CTNNA3: variants seen among roughly 807,000 people sequenced by gnomAD.
CTNNA3 encodes catenin alpha 3, also known as catenin alpha-3.
CTNNA3 carries 76 observed loss-of-function variants against 95.7 expected under a neutral mutation model. The observed-to-expected ratio is 0.79, with a 90% CI of 0.66 to 0.96. The LOEUF (loss-of-function observed/expected upper bound fraction) is 0.96, where lower values mean the gene tolerates loss of function less well. Among genes scored for constraint, CTNNA3 ranks in the 40% least tolerant of loss-of-function variants. The probability of loss-of-function intolerance (pLI) is 0.00; values close to 1 mark genes in which losing one functional copy is unlikely to be tolerated. For missense variants in CTNNA3, 1,191 were observed against 1,089.8 expected, an observed-to-expected ratio of 1.09 and a Z score of -1.31; for synonymous variants, 431 against 374.4, an observed-to-expected ratio of 1.15 and a Z score of -1.74.
At chr10:66,894,157 A>G (rs942615001) in intron 7 of CTNNA3, among the ~76,000 whole-genome samples, 1 of 152,094 alleles carries the variant, frequency 6.6e-6, no homozygotes, top group African/African-American at 2.4e-5. Flanking sequence ...ATGTTCTCAA[A>G]ACAACTTCAG....
intron 7 of CTNNA3, among the ~76,000 whole-genome samples, chr10:66,893,387 T>A (rs1217555711): frequency 1.3e-5 from 2 of 151,984 alleles, no homozygotes; most frequent in Admixed American, 6.6e-5. Context: ...GCCCTCTGAG[T>A]TCTTCTAGAA....
intron 7 of CTNNA3, among the ~76,000 whole-genome samples, chr10:67,023,006 T>C (rs1853127695): frequency 6.6e-6 from 1 of 151,830 alleles, no homozygotes; most frequent in Non-Finnish European, 1.5e-5. Flanking sequence ...AAGACTGAAA[T>C]AAATGGAGAG....
In CTNNA3 at chr10:66,103,231, C is replaced by A; in HGVS notation, c.1903G>T (p.Asp635Tyr). 6.2e-7 allele frequency: 1 copy of A among 1,613,916 alleles called. No homozygotes were observed. Among genetic ancestry groups the A allele is most frequent in the Non-Finnish European group, 8.5e-7 (1 of 1,179,798 alleles). Reference protein sequence around the residue: ...MMIRTPEELEDVSDLEEEHEV... With the variant: ...MMIRTPEELEYVSDLEEEHEV... ...TGTTCCTCTTCAAGGTCAGAAACATCCTCCAGTTCCTCTGGGGTCTATAAA... is the reference window on the plus strand; with the variant it reads ...TGTTCCTCTTCAAGGTCAGAAACATACTCCAGTTCCTCTGGGGTCTATAAA... The change falls in exon 14 of 18, where the codon GAT (aspartate) becomes TAT (tyrosine). Residue 635 changes from aspartate to tyrosine, a missense_variant. Asp to Tyr is a radical substitution (Grantham distance 160, BLOSUM62 -3). Coordinates refer to ENST00000433211, the MANE Select transcript of CTNNA3 (RefSeq NM_013266.4).
chr10:67,493,914 C>T (rs1252756394), intron 5 of CTNNA3, among the ~76,000 whole-genome samples: 31 of 152,028 alleles, frequency 2.0e-4, no homozygotes, highest in Admixed American at 2.0e-3. Context: ...TTGGATCAAA[C>T]TTTAACAGGT....
At chr10:65,938,598 C>A (rs536861075) in intron 17 of CTNNA3, among the ~76,000 whole-genome samples, 1 of 152,268 alleles carries the variant, frequency 6.6e-6, no homozygotes, top group South Asian at 2.1e-4. Flanking sequence ...CTTCCTGGAT[C>A]CCAGCCCTGA....
intron 1 of CTNNA3, among the ~76,000 whole-genome samples, chr10:67,743,802 A>T (rs1554880463): frequency 6.6e-6 from 1 of 151,286 alleles, no homozygotes; most frequent in Non-Finnish European, 1.5e-5. Context: ...ACTTCAGCAA[A>T]GTCTCAGGAT....
intron 15 of CTNNA3, among the ~76,000 whole-genome samples, chr10:66,023,983 A>G (rs1376034648): frequency 6.6e-6 from 1 of 152,222 alleles, no homozygotes; most frequent in Non-Finnish European, 1.5e-5. Context: ...TTCTTCTCAC[A>G]AATAAACTAG....
chr10:67,127,004 T>A (rs1589768772), intron 7 of CTNNA3, among the ~76,000 whole-genome samples: 1 of 152,340 alleles, frequency 6.6e-6, no homozygotes, highest in African/African-American at 2.4e-5. Flanking sequence ...TCAAACCTTT[T>A]AATACAGCTA....
intron 1 of CTNNA3, among the ~76,000 whole-genome samples, chr10:67,708,270 T>A (rs75706276): frequency 0.039 from 5,887 of 152,268 alleles, 191 homozygotes; most frequent in Non-Finnish European, 0.063. Context: ...CTGCTTTAGT[T>A]CATTGATTAC....
intron 12 of CTNNA3, among the ~76,000 whole-genome samples, chr10:66,306,780 T>C (rs2091940565): frequency 6.6e-6 from 1 of 152,130 alleles, no homozygotes; most frequent in African/African-American, 2.4e-5. Context: ...AAAAAAAGAA[T>C]TAAAGACTGG....
chr10:66,476,145 A>G (rs1257397203), intron 11 of CTNNA3, among the ~76,000 whole-genome samples: 3 of 152,092 alleles, frequency 2.0e-5, no homozygotes, highest in Non-Finnish European at 4.4e-5. Flanking sequence ...TCTCACTCAC[A>G]AGTGGAAGCT....
intron 5 of CTNNA3, among the ~76,000 whole-genome samples, chr10:67,499,971 T>C (rs1839175330): frequency 1.3e-5 from 2 of 152,200 alleles, no homozygotes; most frequent in African/African-American, 4.8e-5. Flanking sequence ...TGTCTTCTGC[T>C]AGCTTTTGAG....
intron 7 of CTNNA3, among the ~76,000 whole-genome samples, chr10:66,865,546 T>A (rs1844140107): frequency 6.6e-6 from 1 of 152,132 alleles, no homozygotes; most frequent in South Asian, 2.1e-4. Flanking sequence ...ATAATTTTCA[T>A]ATTTTCATAA....
chr10:66,662,287 C>A (rs1846290502), intron 9 of CTNNA3, among the ~76,000 whole-genome samples: 1 of 152,158 alleles, frequency 6.6e-6, no homozygotes, highest in Admixed American at 6.5e-5. Context: ...TACATTCTTG[C>A]AATGACAAAA....
chr10:66,297,760 C>CCTT (rs1204282968), intron 12 of CTNNA3, among the ~76,000 whole-genome samples: 1 of 152,196 alleles, frequency 6.6e-6, no homozygotes, highest in East Asian at 1.9e-4. Context: ...CAGATAACCA[C>CCTT]TTAGTGAAAC....
intron 7 of CTNNA3, among the ~76,000 whole-genome samples, chr10:66,982,164 G>T (rs1302204885): frequency 4.6e-5 from 7 of 152,220 alleles, no homozygotes; most frequent in Non-Finnish European, 1.0e-4. Context: ...CTGGCAGTTT[G>T]AACAGCAGAG....
At chr10:67,602,701 C>T (rs982576241) in intron 3 of CTNNA3, among the ~76,000 whole-genome samples, 1 of 152,186 alleles carries the variant, frequency 6.6e-6, no homozygotes, top group African/African-American at 2.4e-5. Context: ...AATACCATCT[C>T]ATGGCAATTA....
chr10:66,418,711 C>T (rs1191201442), intron 11 of CTNNA3, among the ~76,000 whole-genome samples: 1 of 151,632 alleles, frequency 6.6e-6, no homozygotes, highest in African/African-American at 2.4e-5. Context: ...CCAAGGGACA[C>T]AAGGATGTTC....
At chr10:66,557,881 G>T (rs1472982331) in intron 10 of CTNNA3, among the ~76,000 whole-genome samples, 1 of 151,928 alleles carries the variant, frequency 6.6e-6, no homozygotes, top group Non-Finnish European at 1.5e-5. Context: ...TTTTGAGTTG[G>T]TTTTATATGT....
Sources: allele counts gnomAD v4.1 joint callset (sites outside exome capture counted in the v4.1 genomes callset), GRCh38; gene constraint gnomAD v4.1.1; transcripts MANE v1.5; gene names NCBI Gene and HGNC (gene_info 2026-07-23, HGNC 2026-07-21).